Variants in CHSY3 observed in about 807,000 individuals in gnomAD.
CHSY3 encodes the protein chondroitin sulfate synthase 3.
CHSY3 carries 35 observed loss-of-function variants against 67.2 expected under a neutral mutation model. The observed-to-expected ratio is 0.52, with a 90% CI of 0.40 to 0.69. The LOEUF is 0.69. Among genes scored for constraint, CHSY3 ranks in the 30% least tolerant of loss-of-function variants. The probability of loss-of-function intolerance (pLI) is 0.00; values close to 1 mark genes in which losing one functional copy is unlikely to be tolerated. For missense variants in CHSY3, 1,069 were observed against 1,138.5 expected (o/e 0.94, Z 0.88); for synonymous variants, 474 against 434.7 (o/e 1.09, Z -1.12).
intron 2 of CHSY3, among the ~76,000 whole-genome samples, chr5:130,017,829 A>G (rs2149651247): frequency 6.6e-6 from 1 of 152,214 alleles, no homozygotes; most frequent in Non-Finnish European, 1.5e-5. Context: ...TGGATTTAAC[A>G]TAACTCCAGA....
chr5:129,921,782 A>G (rs1760933156), intron 2 of CHSY3, among the ~76,000 whole-genome samples: 1 of 152,182 alleles, frequency 6.6e-6, no homozygotes, highest in African/African-American at 2.4e-5. Context: ...CAATGCCTAT[A>G]TCAATTCAGG....
chr5:130,038,593 C>G (rs1764923134), intron 2 of CHSY3, among the ~76,000 whole-genome samples: 1 of 152,070 alleles, frequency 6.6e-6, no homozygotes, highest in Admixed American at 6.6e-5. Context: ...CTTAAAGATG[C>G]TATGAGGTAG....
At chr5:130,071,537 T>TTTTG (rs145252399) in intron 2 of CHSY3, among the ~76,000 whole-genome samples, 4 of 141,896 alleles carry the variant, frequency 2.8e-5, no homozygotes, top group Non-Finnish European at 4.7e-5. Context: ...TAGTAGTTCA[T>TTTTG]TGTGTGTGTG....
chr5:129,993,373 C>T (rs1440599555), intron 2 of CHSY3, among the ~76,000 whole-genome samples: 2 of 152,088 alleles, frequency 1.3e-5, no homozygotes, highest in African/African-American at 4.8e-5. Context: ...TAATAACTTG[C>T]TTTATGAGTC....
At chr5:130,163,691 C>A (rs1561565577) in intron 2 of CHSY3, among the ~76,000 whole-genome samples, 1 of 152,006 alleles carries the variant, frequency 6.6e-6, no homozygotes, top group Non-Finnish European at 1.5e-5. Context: ...ATTACCTTTG[C>A]CAAAATAAAC....
chr5:130,106,544 AAT>A (rs1043531572), intron 2 of CHSY3, among the ~76,000 whole-genome samples: 5 of 151,664 alleles, frequency 3.3e-5, no homozygotes, highest in East Asian at 3.8e-4. Context: ...TAAAGAAATA[AAT>A]ATGTTTCAGG....
chr5:130,013,897 G>A (rs576337418), intron 2 of CHSY3, among the ~76,000 whole-genome samples: 22 of 152,248 alleles, frequency 1.4e-4, no homozygotes, highest in African/African-American at 5.3e-4. Flanking sequence ...GCATCATCAG[G>A]CGGAAAATTT....
At chr5:129,916,981 AG>A (rs1760750895) in intron 2 of CHSY3, among the ~76,000 whole-genome samples, 2 of 152,272 alleles carry the variant, frequency 1.3e-5, no homozygotes, top group South Asian at 4.1e-4. Context: ...AGTTTTCTTA[AG>A]TAAGCCTCTT....
intron 2 of CHSY3, among the ~76,000 whole-genome samples, chr5:130,127,154 A>C (rs1318629775): frequency 6.6e-6 from 1 of 152,238 alleles, no homozygotes; most frequent in Non-Finnish European, 1.5e-5. Flanking sequence ...AATGGACAAA[A>C]ATGCCGTAAC....
chr5:129,908,891 G>A (rs1760427957), intron 2 of CHSY3, among the ~76,000 whole-genome samples: 1 of 151,998 alleles, frequency 6.6e-6, no homozygotes, highest in Non-Finnish European at 1.5e-5. Context: ...TATCATTTAT[G>A]GTAGATGTAT....
intron 2 of CHSY3, among the ~76,000 whole-genome samples, chr5:130,125,832 AT>A: frequency 1.3e-5 from 2 of 152,248 alleles, no homozygotes; most frequent in Non-Finnish European, 2.9e-5. Flanking sequence ...ACAAGCCTGA[AT>A]TTTGTATTTT....
intron 2 of CHSY3, among the ~76,000 whole-genome samples, chr5:129,922,486 C>T (rs1231130671): frequency 6.6e-6 from 1 of 152,210 alleles, no homozygotes; most frequent in Non-Finnish European, 1.5e-5. Context: ...TCCACATTCT[C>T]ACCAACACTT....
Position 130,125,693 on chromosome 5 carries a change from G to A in CHSY3, c.1087-58536G>A, listed in dbSNP as rs115837744. On this transcript the variant is annotated intron_variant, in intron 2 of 2. Transcript: ENST00000305031. ...ACCCAAATCTATACATGACTGTGAT[G>A]ATCACTTGGAAACAGGTTTGTTTGC... 7.2e-3 allele frequency among the ~76,000 whole-genome samples: 1,092 copies of A among 152,240 alleles called. 10 individuals are homozygous for A. Among genetic ancestry groups the A allele is most frequent in the African/African-American group, 0.024 (1,005 of 41,518 alleles).
intron 2 of CHSY3, among the ~76,000 whole-genome samples, chr5:129,947,209 C>T (rs966046824): frequency 6.6e-6 from 1 of 152,102 alleles, no homozygotes. Flanking sequence ...ATTATAAAGC[C>T]ATCAGATCTC....
At chr5:130,166,394 C>T (rs1038780369) in intron 2 of CHSY3, among the ~76,000 whole-genome samples, 3 of 151,984 alleles carry the variant, frequency 2.0e-5, no homozygotes, top group Non-Finnish European at 2.9e-5. Flanking sequence ...TACCCTTTTC[C>T]GTTATGTAAA....
rs1452107168 is a variant in CHSY3, at chr5:130,055,997, A to G, written c.1087-128232A>G. ...CTCTTTCCCTTTTGATCACATAAGT[A>G]TTAATGTTGCCTGAATCTGATGCAT... On this transcript the variant is annotated intron_variant, in intron 2 of 2. Coordinates refer to ENST00000305031, the MANE Select transcript of CHSY3 (RefSeq NM_175856.5). Among the ~76,000 whole-genome samples the G allele has an allele frequency of 2.6e-5, 4 of 152,314 alleles. No homozygotes were observed. In the Middle Eastern group the frequency reaches 0.01, roughly 389 times the overall value.
chr5:130,055,279 T>TA (rs200891155), intron 2 of CHSY3, among the ~76,000 whole-genome samples: 54,071 of 139,972 alleles, frequency 0.39, 10,059 homozygotes, highest in South Asian at 0.49. Context: ...TTGCCCCTTG[T>TA]AAAAAAAAAA....
chr5:130,081,926 A>C (rs1308931735), intron 2 of CHSY3, among the ~76,000 whole-genome samples: 1 of 152,128 alleles, frequency 6.6e-6, no homozygotes, highest in Admixed American at 6.6e-5. Flanking sequence ...TCTGTCTCAA[A>C]GATTTAACAG....
At chr5:130,041,581 C>A (rs554300847) in intron 2 of CHSY3, among the ~76,000 whole-genome samples, 2 of 152,110 alleles carry the variant, frequency 1.3e-5, no homozygotes, top group South Asian at 4.2e-4. Context: ...TGGTTGTTTT[C>A]TCTAAAAGGG....
Sources: gnomAD v4.1 joint callset for allele counts (sites outside exome capture counted in the v4.1 genomes callset) on GRCh38, gnomAD v4.1.1 for gene constraint, MANE v1.5 for transcripts, NCBI Gene and HGNC (gene_info 2026-07-23, HGNC 2026-07-21) for gene names.